The following LMBRD2 variants were observed in gnomAD, a reference collection of about 807,000 sequenced individuals.
The protein encoded by LMBRD2 is LMBR1 domain containing 2.
In LMBRD2, 55 loss-of-function variants were observed where a neutral mutation model predicts 94.4. The ratio of observed to expected loss-of-function variants is 0.58; its 90% CI spans 0.47 to 0.73. LMBRD2 has a LOEUF of 0.73. Among genes scored for constraint, LMBRD2 ranks in the 30% least tolerant of loss-of-function variants. The pLI is 0.00. For synonymous variants in LMBRD2, 246 were observed against 272.4 expected (o/e 0.90, Z 0.95); for missense variants, 640 against 831.9 (o/e 0.77, Z 2.84).
intron 9 of LMBRD2, among the ~76,000 whole-genome samples, chr5:36,118,747 T>C (rs1218651385): frequency 6.8e-6 from 1 of 147,676 alleles, no homozygotes; most frequent in Non-Finnish European, 1.5e-5. Flanking sequence ...GCCTCCGGGG[T>C]TTAAGTGATT....
chr5:36,117,603 T>C, intron 10 of LMBRD2, 132 bp downstream of exon 10: 1 of 546,604 alleles, frequency 1.8e-6, no homozygotes, highest in South Asian at 4.8e-5. Context: ...AGCACATTTC[T>C]GGAAGTTTGA....
chr5:36,122,439 G>A lies in LMBRD2; in HGVS notation c.961C>T (p.Arg321Cys), dbSNP rs267600613. Residue 321 changes from arginine to cysteine, a missense_variant, in exon 9 of 18, where the codon CGT (arginine) becomes TGT (cysteine). Around this residue, in one of 2 missense-constraint regions of LMBRD2, gnomAD observed 457 missense variants for 642.8 expected, o/e 0.71. Coordinates refer to ENST00000296603, the MANE Select transcript of LMBRD2 (RefSeq NM_001007527.2). The stretch of plus-strand genomic sequence containing the variant: ...ATCTGCCATTGTACTTGAGTTCGAC[G>A]GTGTCTCTGAACTGAATAAATCACC... ...KQVIYSVQRH[R>C]RTQVQWQILL... 6 of 1,613,040 alleles carry A rather than the reference G, an allele frequency of 3.7e-6. No individual in the cohort carries two copies. The highest frequency in any genetic ancestry group is 3.3e-5 in the Admixed American group (2 of 59,758).
chr5:36,144,366 A>G (rs1398136927), intron 1 of LMBRD2, among the ~76,000 whole-genome samples: 1 of 152,198 alleles, frequency 6.6e-6, no homozygotes, highest in African/African-American at 2.4e-5. Flanking sequence ...ATCCTAACAC[A>G]GAGAATCAAG....
At position 36,137,430 on chromosome 5, in the gene LMBRD2, G is replaced by T; in HGVS notation, c.380C>A (p.Pro127His). Residue 127 changes from proline to histidine, a missense_variant, in exon 5 of 18, where the codon CCT (proline) becomes CAT (histidine). This residue lies in a region of LMBRD2 where 457 missense variants were observed against 642.8 expected (regional missense o/e 0.71). Transcript: ENST00000296603. ...TGATCTTGCATATGACTGCATAAAAGGTAAGAGAATCCTAGATGGATAGAA... is the reference window on the plus strand; with the variant it reads ...TGATCTTGCATATGACTGCATAAAATGTAAGAGAATCCTAGATGGATAGAA... ...TSQFLTWILLPFMQSYARSGG... is the reference protein window; with the variant it reads ...TSQFLTWILLHFMQSYARSGG... The T allele has an allele frequency of 6.4e-7, 1 of 1,562,382 alleles. No homozygotes were observed. Among genetic ancestry groups the T allele is most frequent in the South Asian group, 1.2e-5 (1 of 81,878 alleles).
At chr5:36,120,151 C>T (rs1384625450) in intron 9 of LMBRD2, among the ~76,000 whole-genome samples, 4 of 150,736 alleles carry the variant, frequency 2.7e-5, no homozygotes, top group African/African-American at 7.3e-5. Context: ...CTCTGCCTCC[C>T]GGGTTCAAGC....
At chr5:36,142,911 G>C (rs1292327904) in intron 2 of LMBRD2, among the ~76,000 whole-genome samples, 1 of 151,660 alleles carries the variant, frequency 6.6e-6, no homozygotes, top group Non-Finnish European at 1.5e-5. Context: ...ATTTTTAGTA[G>C]AGACGGTGTT....
chr5:36,106,259 T>G (rs997702768), intron 16 of LMBRD2, among the ~76,000 whole-genome samples: 1 of 152,120 alleles, frequency 6.6e-6, no homozygotes, highest in Non-Finnish European at 1.5e-5. Context: ...CCTTTCCTAT[T>G]TATTATACCC....
In LMBRD2 at chr5:36,137,325, A is replaced by C. The variant is rs765769786; in HGVS notation, c.485T>G (p.Phe162Cys). ...AIYYGTYLLI[F>C]GAFLIYVAVN... ...AGCTACATAAATTAAAAATGCTCCA[A>C]AAATCAGCAAATAGGTGCCATAGTA... Residue 162 changes from phenylalanine to cysteine, a missense_variant, in exon 5 of 18, where the codon TTT (phenylalanine) becomes TGT (cysteine). Phe to Cys is a radical substitution (Grantham distance 205). Coordinates refer to ENST00000296603, the MANE Select transcript of LMBRD2 (RefSeq NM_001007527.2). The C allele has an allele frequency of 6.2e-7, 1 of 1,603,316 alleles. No homozygotes were observed. The highest frequency in any genetic ancestry group is 1.1e-5 in the South Asian group (1 of 89,534).
chr5:36,106,785 C>T (rs551190451), intron 16 of LMBRD2, among the ~76,000 whole-genome samples: 18 of 152,066 alleles, frequency 1.2e-4, no homozygotes, highest in African/African-American at 3.1e-4. Context: ...TAAGCCACCG[C>T]GCCTGGCCCC....
chr5:36,146,084 A>G (rs1311486364), intron 1 of LMBRD2, among the ~76,000 whole-genome samples: 2 of 152,326 alleles, frequency 1.3e-5, no homozygotes, highest in East Asian at 3.9e-4. Context: ...AGCACTTTAA[A>G]GGGTTGTAGA....
intron 3 of LMBRD2, among the ~76,000 whole-genome samples, chr5:36,142,063 A>G (rs1046951519): frequency 6.6e-6 from 1 of 152,186 alleles, no homozygotes; most frequent in Non-Finnish European, 1.5e-5. Context: ...TTTTTATGTA[A>G]ATCTATAATG....
At chr5:36,133,496 T>C (rs1476752974) in intron 6 of LMBRD2, among the ~76,000 whole-genome samples, 1 of 152,072 alleles carries the variant, frequency 6.6e-6, no homozygotes, top group Non-Finnish European at 1.5e-5. Context: ...ATGAATATAA[T>C]TGGATTGTTT....
At chr5:36,138,519 G>A (rs1744326169) in intron 4 of LMBRD2, among the ~76,000 whole-genome samples, 1 of 152,204 alleles carries the variant, frequency 6.6e-6, no homozygotes, top group Non-Finnish European at 1.5e-5. Context: ...TATGGTGACG[G>A]AAGTCAGAAT....
chr5:36,146,808 ATATATT>A (rs1166036376), intron 1 of LMBRD2, among the ~76,000 whole-genome samples: 2 of 152,144 alleles, frequency 1.3e-5, no homozygotes, highest in Non-Finnish European at 2.9e-5. Flanking sequence ...TTTAAATTGT[ATATATT>A]TAAAGTGCAC....
At position 36,122,478 on chromosome 5, in the gene LMBRD2, G is replaced by T. The variant is rs980941464; in HGVS notation, c.937-15C>A. ...GAATAAATCACCTAAAAAAGAGAAT[G>T]GGGGTAGACCTGGCAGTGTTCTGAT... is the stretch of plus-strand genomic sequence containing the variant. On this transcript the variant is annotated splice_polypyrimidine_tract_variant and intron_variant, in intron 8 of 17. Coordinates refer to ENST00000296603, the MANE Select transcript of LMBRD2 (RefSeq NM_001007527.2). The T allele has an allele frequency of 3.1e-6, 5 of 1,605,928 alleles. No individual in the cohort carries two copies. Among genetic ancestry groups the T allele is most frequent in the Non-Finnish European group, 4.3e-6 (5 of 1,175,426 alleles).
chr5:36,123,916 C>T (rs1336439163), intron 7 of LMBRD2, among the ~76,000 whole-genome samples: 1 of 151,692 alleles, frequency 6.6e-6, no homozygotes. Flanking sequence ...TATACAATGA[C>T]ATTTTAAAGG....
Position 36,102,795 on chromosome 5 carries a change from A to G in LMBRD2, c.*1251T>C, listed in dbSNP as rs1743374069. 2 of 151,778 alleles carry G rather than the reference A, an allele frequency of 1.3e-5. No homozygotes were observed. Among genetic ancestry groups the G allele is most frequent in the Non-Finnish European group, 3.0e-5 (2 of 67,758 alleles). The allele number at this position is 151,778 out of a possible 1,614,324, so 9.4% of individuals were successfully genotyped here. ...GGGTGAAAGTAATCACTAGTAATAA[A>G]CAGGATACTAGGTGTTACACTGAGA... On this transcript the variant is annotated 3_prime_UTR_variant, in exon 18 of 18. Transcript: ENST00000296603.
chr5:36,140,081 C>T (rs1744367203), intron 4 of LMBRD2, among the ~76,000 whole-genome samples: 2 of 152,230 alleles, frequency 1.3e-5, no homozygotes, highest in Admixed American at 1.3e-4. Context: ...GTGACACCCT[C>T]TTTGGAGCTC....
intron 16 of LMBRD2, among the ~76,000 whole-genome samples, chr5:36,107,308 C>T (rs1743495960): frequency 6.6e-6 from 1 of 152,188 alleles, no homozygotes. Flanking sequence ...AAAGTCACTG[C>T]ACTGTCTGAT....
Sources: allele counts gnomAD v4.1 joint callset (sites outside exome capture counted in the v4.1 genomes callset), GRCh38; gene constraint gnomAD v4.1.1; regional missense constraint gnomAD v4.1.1; transcripts MANE v1.5; gene names NCBI Gene and HGNC (gene_info 2026-07-23, HGNC 2026-07-21).